Variants in SLC24A2 observed in about 807,000 individuals in gnomAD.
The protein encoded by SLC24A2 is sodium/potassium/calcium exchanger 2.
A neutral mutation model predicts 62.0 loss-of-function variants in SLC24A2; 36 were observed. The observed-to-expected ratio is 0.58, with a 90% CI of 0.44 to 0.77. The LOEUF (loss-of-function observed/expected upper bound fraction) is 0.77. Among genes scored for constraint, SLC24A2 ranks in the 30% least tolerant of loss-of-function variants. SLC24A2 has a pLI of 0.00. For synonymous variants in SLC24A2, 358 were observed against 294.0 expected (o/e 1.22, Z -2.23); for missense variants, 846 against 817.9 (o/e 1.03, Z -0.42).
the SLC24A2 span, among the ~76,000 whole-genome samples, chr9:19,947,165 C>G: frequency 2.0e-5 from 3 of 152,126 alleles, no homozygotes; most frequent in Admixed American, 6.5e-5. Flanking sequence ...ACCAACTGAG[C>G]CTGCAGTGAT....
chr9:19,708,283 A>G (rs1055110152), intron 2 of SLC24A2, among the ~76,000 whole-genome samples: 3 of 152,196 alleles, frequency 2.0e-5, no homozygotes, highest in African/African-American at 7.2e-5. Flanking sequence ...AGAACATTCC[A>G]TGCTCATGGG....
At chr9:19,987,722 C>A in the SLC24A2 span, among the ~76,000 whole-genome samples, 1 of 152,208 alleles carries the variant, frequency 6.6e-6, no homozygotes, top group Admixed American at 6.5e-5. Flanking sequence ...AACTGTTAGC[C>A]TGATAATCCT....
the SLC24A2 span, among the ~76,000 whole-genome samples, chr9:20,167,780 C>T: frequency 1.3e-5 from 2 of 151,966 alleles, no homozygotes; most frequent in Non-Finnish European, 2.9e-5. Context: ...AGTGCAGTGG[C>T]AAGATCATAG....
At chr9:19,922,999 A>G in the SLC24A2 span, among the ~76,000 whole-genome samples, 1 of 149,480 alleles carries the variant, frequency 6.7e-6, no homozygotes, top group South Asian at 2.1e-4. Context: ...AATATTATAT[A>G]TTTATATATA....
In SLC24A2 at chr9:19,784,239, G is replaced by A. The variant is rs144682791; in HGVS notation, c.930+1698C>T. 2.9e-4 allele frequency among the ~76,000 whole-genome samples: 44 copies of A among 152,260 alleles called. 1 individual carries two copies. The East Asian group carries it at 8.5e-3, about 29-fold the overall frequency. ...TTGGAAAGCTATTTCTAAAACGCAT[G>A]AAAGCATCTTCCACTCCACTAAACC... On this transcript the variant is annotated intron_variant, in intron 2 of 10. Transcript: ENST00000341998.
chr9:19,778,384 C>A (rs538953553), intron 2 of SLC24A2, among the ~76,000 whole-genome samples: 1 of 151,840 alleles, frequency 6.6e-6, no homozygotes, highest in Non-Finnish European at 1.5e-5. Context: ...GGCCTGATAG[C>A]GGGAAGGGAG....
At chr9:19,684,978 C>G (rs147685621) in intron 2 of SLC24A2, among the ~76,000 whole-genome samples, 2 of 152,198 alleles carry the variant, frequency 1.3e-5, no homozygotes, top group African/African-American at 4.8e-5. Flanking sequence ...GTTCCTATAT[C>G]TGATAAATAA....
At chr9:20,283,976 C>A in the SLC24A2 span, among the ~76,000 whole-genome samples, 2 of 152,218 alleles carry the variant, frequency 1.3e-5, no homozygotes, top group South Asian at 4.2e-4. Context: ...AACATGCGTG[C>A]CCAAAAAGCT....
the SLC24A2 span, among the ~76,000 whole-genome samples, chr9:20,001,596 C>T: frequency 5.9e-5 from 9 of 152,180 alleles, no homozygotes; most frequent in African/African-American, 1.7e-4. Flanking sequence ...CCTCCACTGG[C>T]AATGGCTGAG....
chr9:19,695,520 C>A (rs1040646911), intron 2 of SLC24A2, among the ~76,000 whole-genome samples: 1 of 151,882 alleles, frequency 6.6e-6, no homozygotes, highest in Non-Finnish European at 1.5e-5. Context: ...ATTGATACAA[C>A]CCAATCTGAA....
At chr9:19,732,786 G>A (rs1821378774) in intron 2 of SLC24A2, among the ~76,000 whole-genome samples, 1 of 152,140 alleles carries the variant, frequency 6.6e-6, no homozygotes, top group Non-Finnish European at 1.5e-5. Context: ...GGTCACTTTT[G>A]ATTGCAGGGC....
intron 3 of SLC24A2, 111 bp downstream of exon 3, chr9:19,622,150 T>C: frequency 1.2e-6 from 1 of 856,606 alleles, no homozygotes; most frequent in Non-Finnish European, 2.0e-6. Context: ...TATTTAAGTA[T>C]TCCAAGGGAG....
chr9:19,935,927 A>C, the SLC24A2 span, among the ~76,000 whole-genome samples: 1 of 152,208 alleles, frequency 6.6e-6, no homozygotes, highest in African/African-American at 2.4e-5. Context: ...AGCTTCTCTA[A>C]AGGAAAGAAG....
chr9:19,989,945 T>C, the SLC24A2 span, among the ~76,000 whole-genome samples: 2 of 152,156 alleles, frequency 1.3e-5, no homozygotes, highest in Non-Finnish European at 2.9e-5. Flanking sequence ...GTGCCTAGAA[T>C]GTCAGAGAAA....
the SLC24A2 span, among the ~76,000 whole-genome samples, chr9:19,939,997 T>G: frequency 6.6e-6 from 1 of 152,368 alleles, no homozygotes; most frequent in South Asian, 2.1e-4. Flanking sequence ...GCACTTCAAC[T>G]GATTGAACAC....
chr9:19,943,479 A>G, the SLC24A2 span, among the ~76,000 whole-genome samples: 5 of 152,096 alleles, frequency 3.3e-5, no homozygotes. Flanking sequence ...TTCTCTTTTT[A>G]CTATAATTCA....
At chr9:19,815,079 G>T in the SLC24A2 span, among the ~76,000 whole-genome samples, 1 of 152,118 alleles carries the variant, frequency 6.6e-6, no homozygotes, top group Non-Finnish European at 1.5e-5. Context: ...GAGAATTATA[G>T]ATTTTGGCTA....
intron 2 of SLC24A2, among the ~76,000 whole-genome samples, chr9:19,741,393 T>A (rs1013346922): frequency 1.3e-5 from 2 of 152,184 alleles, no homozygotes; most frequent in Non-Finnish European, 2.9e-5. Context: ...TTGGGATTCG[T>A]CCCAGAGGTT....
At chr9:19,683,734 A>C (rs2118410779) in intron 2 of SLC24A2, among the ~76,000 whole-genome samples, 1 of 152,228 alleles carries the variant, frequency 6.6e-6, no homozygotes, top group East Asian at 1.9e-4. Flanking sequence ...AGCAGAACTG[A>C]AATTTTATAT....
Sources: gnomAD v4.1 joint callset for allele counts (sites outside exome capture counted in the v4.1 genomes callset) on GRCh38, gnomAD v4.1.1 for gene constraint, MANE v1.5 for transcripts, NCBI Gene and HGNC (gene_info 2026-07-23, HGNC 2026-07-21) for gene names.